The following BTBD8 variants were observed in gnomAD, a reference collection of about 807,000 sequenced individuals.
The protein encoded by BTBD8 is BTB domain containing 8, also known as BTB/POZ domain-containing protein 8.
A neutral mutation model predicts 162.9 loss-of-function variants in BTBD8; 110 were observed. That is an observed-to-expected ratio of 0.68 (90% CI 0.58 to 0.79). The LOEUF is 0.79. Ranked by LOEUF, BTBD8 falls within the 30% of genes least tolerant of loss-of-function variation. The pLI, the probability that BTBD8 is intolerant of heterozygous loss-of-function variation, is 0.00. For missense variants in BTBD8, 1,905 were observed against 2,085.4 expected (o/e 0.91, Z 1.68); for synonymous variants, 667 against 716.1 (o/e 0.93, Z 1.10).
chr1:92,090,539 CTT>C (rs1289253017), intron 2 of BTBD8, among the ~76,000 whole-genome samples: 2 of 152,056 alleles, frequency 1.3e-5, no homozygotes, highest in Admixed American at 6.5e-5. Context: ...ATATTAGACT[CTT>C]ATCACAAATA....
intron 4 of BTBD8, among the ~76,000 whole-genome samples, chr1:92,112,755 C>T (rs1034440154): frequency 1.3e-5 from 2 of 152,122 alleles, no homozygotes; most frequent in African/African-American, 4.8e-5. Context: ...AAGTTATGTT[C>T]TCTAAAGTAT....
chr1:92,183,831 T>G (rs746817762), intron 17 of BTBD8, 33 bp from the exon 18 acceptor site: 37 of 1,474,714 alleles, frequency 2.5e-5, no homozygotes, highest in Middle Eastern at 2.4e-4. Context: ...AACGTGCAAT[T>G]TTTACATTGT....
At position 92,108,000 on chromosome 1, in the gene BTBD8, A is replaced by T. The variant is rs746058441; in HGVS notation, c.661A>T (p.Arg221Trp). 1.9e-6 allele frequency: 3 copies of T among 1,608,264 alleles called. No individual in the cohort carries two copies. The highest frequency in any genetic ancestry group is 2.6e-6 in the Non-Finnish European group (3 of 1,174,802). ...FVDGKRFKAH[R>W]AILSARSSYF... ...TGATGGAAAACGTTTTAAAGCTCAC[A>T]GGTAAATAGACACGACTGATTTGCT... The change falls in exon 4 of 18, where the codon AGG (arginine) becomes TGG (tryptophan). Residue 221 changes from arginine (R) to tryptophan (W), a missense_variant and splice_region_variant. Arg to Trp is a moderately radical substitution (Grantham distance 101). Coordinates refer to ENST00000636805, the MANE Select transcript of BTBD8 (RefSeq NM_001376131.1).
In BTBD8 at chr1:92,184,607, T is replaced by TA; in HGVS notation, c.*279dup. The TA allele has an allele frequency of 3.9e-6, 1 of 257,724 alleles. No homozygotes were observed. The highest frequency in any genetic ancestry group is 2.3e-5 in the African/African-American group (1 of 44,430). The allele number at this position is 257,724 out of a possible 1,614,324, so 16.0% of individuals were successfully genotyped here. On this transcript the variant is annotated 3_prime_UTR_variant, in exon 18 of 18. Coordinates refer to ENST00000636805, the MANE Select transcript of BTBD8 (RefSeq NM_001376131.1). ...TTTCCTAGCTGATGATTTGTTCACT[T>TA]AATCATTATTCAAGAATTTAAAATG...
rs545173 is a variant in BTBD8 at position 92,128,835 on chromosome 1, G to A, written c.663-852G>A. ...TGACAGCAAGCATTTTTCCATCTGC[G>A]TGCAACTGGCTCTGATTATTGGTCA... On this transcript the variant is annotated intron_variant, in intron 4 of 17. Coordinates refer to ENST00000636805, the MANE Select transcript of BTBD8 (RefSeq NM_001376131.1). Among the ~76,000 whole-genome samples the A allele has an allele frequency of 1.9e-3, 291 of 152,160 alleles. 4 individuals carry two copies. The highest frequency in any genetic ancestry group is 6.7e-3 in the African/African-American group (277 of 41,524).
chr1:92,142,065 A>G (rs973376958), intron 7 of BTBD8, among the ~76,000 whole-genome samples: 1 of 152,220 alleles, frequency 6.6e-6, no homozygotes, highest in Non-Finnish European at 1.5e-5. Context: ...CGAAAGCCAT[A>G]AACAACTGGG....
In BTBD8 at chr1:92,144,810, T is replaced by TACACACACACAC. The variant is rs10631515; in HGVS notation, c.931-2349_931-2338dup. On this transcript the variant is annotated intron_variant, in intron 7 of 17. Coordinates refer to ENST00000636805, the MANE Select transcript of BTBD8 (RefSeq NM_001376131.1). ...TGGGTGACAGAGCCAAAAAAAAAAC[T>TACACACACACAC]ACACACACACACACACACACACACA... is the stretch of plus-strand genomic sequence containing the variant. Among the ~76,000 whole-genome samples the TACACACACACAC allele has an allele frequency of 6.4e-4, 90 of 140,798 alleles. 1 individual carries two copies. Among genetic ancestry groups the TACACACACACAC allele is most frequent in the African/African-American group, 1.9e-3 (73 of 37,686 alleles). 92.4% of individuals were successfully genotyped at this position (140,798 alleles called of 152,430 possible). A position where few individuals can be genotyped will look rare whatever the true frequency, so the allele number is the denominator to read the frequency against.
chr1:92,165,122 A>G (rs1209545196), intron 9 of BTBD8, among the ~76,000 whole-genome samples: 2 of 137,736 alleles, frequency 1.5e-5, no homozygotes, highest in Non-Finnish European at 3.0e-5. Context: ...CTTGTGTCAA[A>G]AAAAAAAAAA....
intron 9 of BTBD8, among the ~76,000 whole-genome samples, chr1:92,164,761 A>C (rs558397697): frequency 6.6e-5 from 10 of 150,688 alleles, no homozygotes; most frequent in Non-Finnish European, 1.5e-4. Context: ...TCCCGGGTTC[A>C]TGCCATCCTT....
intron 9 of BTBD8, chr1:92,150,825 A>C (rs537459884): frequency 1.2e-3 from 177 of 152,320 alleles, no homozygotes; most frequent in African/African-American, 4.0e-3. Flanking sequence ...AAAACATGCA[A>C]ACTCTACACA....
At chr1:92,142,769 C>G (rs1234598373) in intron 7 of BTBD8, among the ~76,000 whole-genome samples, 2 of 152,132 alleles carry the variant, frequency 1.3e-5, no homozygotes, top group African/African-American at 4.8e-5. Flanking sequence ...ACAGAGAGGC[C>G]AGGTTGAAGC....
At chr1:92,129,597 T>C in intron 4 of BTBD8, 90 bp from the exon 5 acceptor site, 1 of 972,382 alleles carries the variant, frequency 1.0e-6, no homozygotes, top group Non-Finnish European at 1.6e-6. Flanking sequence ...TATTGTGTTT[T>C]AATACATAAA....
chr1:92,147,615 C>A, intron 8 of BTBD8, 69 bp from the exon 9 acceptor site: 1 of 1,325,020 alleles, frequency 7.5e-7, no homozygotes, highest in Non-Finnish European at 1.1e-6. Context: ...TAATTGAAAA[C>A]CAAAATATTG....
intron 4 of BTBD8, chr1:92,115,734 G>A (rs547238504): frequency 3.9e-6 from 1 of 255,164 alleles, no homozygotes; most frequent in Non-Finnish European, 7.8e-6. Flanking sequence ...CTTTGCTAGA[G>A]TTAAAAGCAG....
chr1:92,142,259 CAT>C (rs1649795828), intron 7 of BTBD8, among the ~76,000 whole-genome samples: 1 of 152,176 alleles, frequency 6.6e-6, no homozygotes, highest in Non-Finnish European at 1.5e-5. Context: ...CTTCCTTCTT[CAT>C]ATGTCTCCCT....
chr1:92,090,611 A>G (rs1648270058), intron 2 of BTBD8, among the ~76,000 whole-genome samples: 1 of 152,164 alleles, frequency 6.6e-6, no homozygotes, highest in South Asian at 2.1e-4. Flanking sequence ...CGATGGTATC[A>G]TTTATGACAC....
At chr1:92,136,644 G>A (rs1055912334) in intron 5 of BTBD8, among the ~76,000 whole-genome samples, 5 of 152,218 alleles carry the variant, frequency 3.3e-5, no homozygotes, top group East Asian at 1.9e-4. Context: ...AAAGACAGAT[G>A]TGTTAACAAA....
chr1:92,158,194 CT>C (rs1240163226), intron 9 of BTBD8, among the ~76,000 whole-genome samples: 1 of 152,024 alleles, frequency 6.6e-6, no homozygotes, highest in Non-Finnish European at 1.5e-5. Flanking sequence ...CACTTAGCTA[CT>C]CTGTCTTTTG....
intron 9 of BTBD8, among the ~76,000 whole-genome samples, chr1:92,159,350 AT>A (rs1055208402): frequency 6.6e-6 from 1 of 151,098 alleles, no homozygotes; most frequent in African/African-American, 2.4e-5. Context: ...AATTTTTTGT[AT>A]TTTTTTGTAG....
Sources: gnomAD v4.1 joint callset for allele counts (sites outside exome capture counted in the v4.1 genomes callset) on GRCh38, gnomAD v4.1.1 for gene constraint, MANE v1.5 for transcripts, NCBI Gene and HGNC (gene_info 2026-07-23, HGNC 2026-07-21) for gene names.